Variants in RBPJ observed in about 807,000 individuals in gnomAD.
RBPJ encodes recombining binding protein suppressor of hairless.
A neutral mutation model predicts 67.8 loss-of-function variants in RBPJ; 9 were observed. The ratio of observed to expected loss-of-function variants is 0.13; its 90% CI spans 0.08 to 0.23. The LOEUF is 0.23. RBPJ is among the 10% of genes least tolerant of loss of function. The pLI is 1.00. For synonymous variants in RBPJ, 198 were observed against 203.3 expected (o/e 0.97, Z 0.22); for missense variants, 305 against 595.6 (o/e 0.51, Z 5.08).
At chr4:26,179,187 C>T (rs990294354) in intron 1 of RBPJ, among the ~76,000 whole-genome samples, 1 of 151,846 alleles carries the variant, frequency 6.6e-6, no homozygotes, top group African/African-American at 2.4e-5. Context: ...CCTTTACTCT[C>T]TCCTCCAGTG....
chr4:26,108,888 G>T, the RBPJ span, among the ~76,000 whole-genome samples: 8 of 152,224 alleles, frequency 5.3e-5, no homozygotes, highest in African/African-American at 1.4e-4. Context: ...TACCCACAAA[G>T]TAGGGGTGAT....
At chr4:26,304,693 CTTTT>C (rs891842180) in intron 1 of RBPJ, among the ~76,000 whole-genome samples, 1 of 151,532 alleles carries the variant, frequency 6.6e-6, no homozygotes, top group African/African-American at 2.4e-5. Context: ...AACGATTTGT[CTTTT>C]TATTATTCAG....
At chr4:26,411,375 T>G (rs898325600) in intron 3 of RBPJ, among the ~76,000 whole-genome samples, 7 of 152,092 alleles carry the variant, frequency 4.6e-5, no homozygotes, top group Admixed American at 1.3e-4. Context: ...CTTTTTTTTT[T>G]GTATATATGC....
intron 2 of RBPJ, among the ~76,000 whole-genome samples, chr4:26,393,494 C>T (rs998467457): frequency 2.0e-5 from 3 of 152,140 alleles, no homozygotes; most frequent in African/African-American, 4.8e-5. Context: ...CCCACCTCAG[C>T]CTCCTGAGTA....
rs1439767815 is a variant in RBPJ, at chr4:26,418,364, G to T, written c.322-2187G>T. Among the ~76,000 whole-genome samples the T allele has an allele frequency of 2.0e-5, 3 of 152,236 alleles. No homozygotes were observed. The East Asian group carries it at 5.8e-4, about 29-fold the overall frequency. On this transcript the variant is annotated intron_variant, in intron 4 of 10. Coordinates refer to ENST00000355476, the MANE Select transcript of RBPJ (RefSeq NM_015874.6). ...TGACTTTTTCCTTCTTTTCTTAATG[G>T]AATTTGAGTAGTTTGTGGTCAGTGG...
At chr4:26,404,190 G>C (rs1470927293) in intron 2 of RBPJ, among the ~76,000 whole-genome samples, 2 of 151,746 alleles carry the variant, frequency 1.3e-5, no homozygotes, top group Non-Finnish European at 1.5e-5. Flanking sequence ...GAACACTTTT[G>C]AAAAGTGTTC....
intron 1 of RBPJ, among the ~76,000 whole-genome samples, chr4:26,348,612 T>G (rs1726435384): frequency 6.6e-6 from 1 of 152,218 alleles, no homozygotes; most frequent in Non-Finnish European, 1.5e-5. Context: ...TACATAAATT[T>G]GAAATGTTAA....
intron 2 of RBPJ, among the ~76,000 whole-genome samples, chr4:26,394,867 G>A (rs557875029): frequency 2.6e-5 from 4 of 152,216 alleles, no homozygotes; most frequent in East Asian, 1.9e-4. Flanking sequence ...GCTTGAATCC[G>A]TTTAATGTCA....
chr4:26,401,388 C>T (rs1219195972), intron 2 of RBPJ, among the ~76,000 whole-genome samples: 1 of 152,196 alleles, frequency 6.6e-6, no homozygotes, highest in Non-Finnish European at 1.5e-5. Flanking sequence ...AGTTACTTAA[C>T]CTCTACCCAG....
intron 1 of RBPJ, among the ~76,000 whole-genome samples, chr4:26,223,917 C>A (rs1449151075): frequency 6.6e-6 from 1 of 152,162 alleles, no homozygotes; most frequent in Non-Finnish European, 1.5e-5. Flanking sequence ...TTACGGAACT[C>A]TATGACCTTG....
intron 1 of RBPJ, among the ~76,000 whole-genome samples, chr4:26,243,928 T>TACAAAAAAATACAA (rs1259931965): frequency 6.6e-6 from 1 of 151,728 alleles, no homozygotes; most frequent in East Asian, 1.9e-4. Flanking sequence ...AATTCGTCTC[T>TACAAAAAAATACAA]ACAAAAAAAT....
Position 26,430,129 on chromosome 4 carries a change from C to T in RBPJ, c.1044+76C>T, listed in dbSNP as rs1396463971. On this transcript the variant is annotated intron_variant, in intron 9 of 10. Transcript: ENST00000355476. This position sits in a 1 kb window ranked among gnomAD's most constrained non-coding sequence, Gnocchi z 4.1. ...GCTGTGACCTGGCATCATTTCATTT[C>T]ATGGGAGTTTTGATTTTTCTCCAAT... The T allele has an allele frequency of 1.3e-6, 2 of 1,498,338 alleles. No homozygotes were observed. Among genetic ancestry groups the T allele is most frequent in the Non-Finnish European group, 1.9e-6 (2 of 1,078,868 alleles). 92.8% of individuals were successfully genotyped at this position (1,498,338 alleles called of 1,614,324 possible).
At chr4:26,237,090 G>C (rs568324056) in intron 1 of RBPJ, among the ~76,000 whole-genome samples, 2 of 152,126 alleles carry the variant, frequency 1.3e-5, no homozygotes, top group Admixed American at 6.5e-5. Context: ...TCTGGGTGCC[G>C]GGCTCCTGAG....
the RBPJ span, among the ~76,000 whole-genome samples, chr4:26,156,906 CA>C: frequency 0.88 from 130,832 of 148,142 alleles, 57,896 homozygotes; most frequent in East Asian, 0.96. Flanking sequence ...CTTGTCTCTA[CA>C]AAAAAAAAAA....
chr4:26,400,637 A>G (rs371385899), intron 2 of RBPJ, among the ~76,000 whole-genome samples: 2 of 152,226 alleles, frequency 1.3e-5, no homozygotes, highest in East Asian at 1.9e-4. Context: ...TCTGTTTAAT[A>G]AAGTGAAATT....
chr4:26,138,624 GT>G, the RBPJ span, among the ~76,000 whole-genome samples: 1 of 152,224 alleles, frequency 6.6e-6, no homozygotes, highest in African/African-American at 2.4e-5. Flanking sequence ...TGGAGTCTGA[GT>G]CTTTCCAGAG....
At chr4:26,326,573 T>A (rs1723648625) in intron 1 of RBPJ, among the ~76,000 whole-genome samples, 1 of 152,100 alleles carries the variant, frequency 6.6e-6, no homozygotes, top group African/African-American at 2.4e-5. Context: ...GAGACTCAGG[T>A]CTCATGGACA....
At chr4:26,126,189 A>G in the RBPJ span, among the ~76,000 whole-genome samples, 4 of 152,250 alleles carry the variant, frequency 2.6e-5, no homozygotes, top group South Asian at 8.3e-4. Flanking sequence ...AGAAACACCT[A>G]TTTAGTGCCA....
At position 26,302,579 on chromosome 4, in the gene RBPJ, G is replaced by A. The variant is rs542145198; in HGVS notation, c.-166-59867G>A. 4.6e-5 allele frequency among the ~76,000 whole-genome samples: 7 copies of A among 152,300 alleles called. No homozygotes were observed. In the South Asian group the frequency reaches 1.5e-3, roughly 32 times the overall value. On this transcript the variant is annotated intron_variant, in intron 1 of 4. Transcript: ENST00000512351. ...TCACAATGGTAATAAGGGAGGAAGT[G>A]ACCCAGCAGGCCTAGCATAGGGCTG... is the stretch of plus-strand genomic sequence containing the variant.
Sources: gnomAD v4.1 joint callset for allele counts (sites outside exome capture counted in the v4.1 genomes callset) on GRCh38, gnomAD v4.1.1 for gene constraint, Gnocchi (gnomAD v3.1) non-coding constraint, MANE v1.5 for transcripts, NCBI Gene and HGNC (gene_info 2026-07-23, HGNC 2026-07-21) for gene names.